The following FRMD4B variants were observed in gnomAD, a reference collection of about 807,000 sequenced individuals.
FRMD4B encodes FERM domain containing 4B.
In FRMD4B, 74 loss-of-function variants were observed where a neutral mutation model predicts 141.5. The observed-to-expected ratio is 0.52, with a 90% CI of 0.43 to 0.63. FRMD4B has a LOEUF of 0.63. Among genes scored for constraint, FRMD4B ranks in the 30% least tolerant of loss-of-function variants. FRMD4B has a pLI of 0.00. For synonymous variants in FRMD4B, 506 were observed against 467.9 expected, an observed-to-expected ratio of 1.08 and a Z score of -1.05; for missense variants, 1,366 against 1,253.4, an observed-to-expected ratio of 1.09 and a Z score of -1.36.
At chr3:69,232,276 T>C (rs987284257) in intron 7 of FRMD4B, among the ~76,000 whole-genome samples, 2 of 152,192 alleles carry the variant, frequency 1.3e-5, no homozygotes, top group Non-Finnish European at 2.9e-5. Context: ...CCCATAAATC[T>C]ACATCACTTG....
At chr3:69,267,628 TATATATATAGAGAGAGAGAG>T (rs1553713431) in intron 5 of FRMD4B, among the ~76,000 whole-genome samples, 10 of 11,924 alleles carry the variant, frequency 8.4e-4, no homozygotes, top group East Asian at 1.7e-3. Context: ...TATATATATA[TATATATATAGAGAGAGAGAG>T]AGAGAGAGAG....
rs371161440 is a variant in FRMD4B, at chr3:69,406,188, T to C, written c.-1+26446A>G. ...TGAGGTGCCAACAGCTAAAACCTTT[T>C]GCCAAGATTGGCTTAATGCTTTTAA... is the stretch of plus-strand genomic sequence containing the variant. On this transcript the variant is annotated intron_variant, in intron 2 of 5. Coordinates refer to the FRMD4B transcript ENST00000459638. 1.2e-4 allele frequency among the ~76,000 whole-genome samples: 18 copies of C among 152,364 alleles called. No homozygotes were observed. In the East Asian group the frequency reaches 1.9e-3, roughly 16 times the overall value.
At chr3:69,349,171 C>A (rs1471819941) in intron 1 of FRMD4B, among the ~76,000 whole-genome samples, 3 of 152,076 alleles carry the variant, frequency 2.0e-5, no homozygotes, top group Non-Finnish European at 4.4e-5. Flanking sequence ...CATTTTTATA[C>A]ACCAATAACA....
At chr3:69,399,991 G>A (rs1704533364) in intron 2 of FRMD4B, among the ~76,000 whole-genome samples, 2 of 152,086 alleles carry the variant, frequency 1.3e-5, no homozygotes, top group Admixed American at 6.5e-5. Context: ...AACCCAATAC[G>A]ATACCTGGCT....
chr3:69,503,477 C>G lies in FRMD4B; in HGVS notation c.-129+38729G>C, dbSNP rs1409092622. 8.1e-5 allele frequency among the ~76,000 whole-genome samples: 11 copies of G among 135,592 alleles called. No homozygotes were observed. In the Admixed American group the frequency reaches 9.6e-4, roughly 12 times the overall value. The allele number at this position is 135,592 out of a possible 152,430, so 89.0% of individuals were successfully genotyped here. ...GCATGTTCTCACTGATAGGAGGGAA[C>G]TGAACAAGGAGAACACTTGGACACA... On this transcript the variant is annotated intron_variant, in intron 1 of 5. Coordinates refer to the FRMD4B transcript ENST00000459638.
chr3:69,518,707 T>C (rs760508782), intron 1 of FRMD4B, among the ~76,000 whole-genome samples: 5 of 152,172 alleles, frequency 3.3e-5, no homozygotes, highest in Non-Finnish European at 7.4e-5. Flanking sequence ...AACAAGGATT[T>C]TGAAGGTGAG....
chr3:69,430,385 G>A (rs955848934), intron 2 of FRMD4B, among the ~76,000 whole-genome samples: 1 of 152,130 alleles, frequency 6.6e-6, no homozygotes. Flanking sequence ...CTGAGAGGCT[G>A]TTAATAGTTT....
At chr3:69,224,742 T>C (rs898647851) in intron 7 of FRMD4B, 52 bp from the exon 8 acceptor site, 28 of 829,414 alleles carry the variant, frequency 3.4e-5, no homozygotes, top group African/African-American at 2.4e-4. Flanking sequence ...CAAAAAATTA[T>C]GCAAGCCGGT....
At chr3:69,438,936 T>C (rs1705301308) in intron 1 of FRMD4B, among the ~76,000 whole-genome samples, 2 of 152,206 alleles carry the variant, frequency 1.3e-5, no homozygotes, top group African/African-American at 4.8e-5. Flanking sequence ...TTTACTCTTT[T>C]AAGTGATAGA....
At position 69,533,590 on chromosome 3, in the gene FRMD4B, T is replaced by C. The variant is rs1370105720; in HGVS notation, c.-129+8616A>G. Among the ~76,000 whole-genome samples the C allele has an allele frequency of 4.6e-5, 7 of 152,220 alleles. 1 individual carries two copies. Among genetic ancestry groups the C allele is most frequent in the Non-Finnish European group, 1.5e-5 (1 of 68,038 alleles). On this transcript the variant is annotated intron_variant, in intron 1 of 5. Transcript: ENST00000459638. ...GCTTGTGCTTTGAAAAGGGAACTTA[T>C]TCTGATCCAACATTCCATGCTGATT...
At chr3:69,314,227 T>TAAA (rs59090061) in intron 1 of FRMD4B, among the ~76,000 whole-genome samples, 19,436 of 108,874 alleles carry the variant, frequency 0.18, 2,200 homozygotes, top group African/African-American at 0.31. Context: ...AATGTTTTAT[T>TAAA]AAAAAAAAAA....
chr3:69,441,004 T>A (rs1182256575), intron 1 of FRMD4B, among the ~76,000 whole-genome samples: 1 of 152,180 alleles, frequency 6.6e-6, no homozygotes, highest in Non-Finnish European at 1.5e-5. Flanking sequence ...CTGAAGCAGA[T>A]GTATATTTTC....
rs1029704940 is a variant in FRMD4B, at chr3:69,176,076, G to A, written c.2984+448C>T. On this transcript the variant is annotated intron_variant, in intron 22 of 22. Coordinates refer to ENST00000398540, the MANE Select transcript of FRMD4B (RefSeq NM_015123.3). ...ATTATAGGCATGAGCCACCGTGCCCGGCAGCAAACTTTTTCTTAAAGGCCA... is the reference window on the plus strand; with the variant it reads ...ATTATAGGCATGAGCCACCGTGCCCAGCAGCAAACTTTTTCTTAAAGGCCA... 4.6e-5 allele frequency among the ~76,000 whole-genome samples: 7 copies of A among 152,178 alleles called. No individual in the cohort carries two copies. In the East Asian group the frequency reaches 1.4e-3, roughly 29 times the overall value.
chr3:69,254,810 G>C (rs1281047397), intron 5 of FRMD4B, among the ~76,000 whole-genome samples: 1 of 152,140 alleles, frequency 6.6e-6, no homozygotes, highest in Non-Finnish European at 1.5e-5. Flanking sequence ...GTGAGAATTA[G>C]CTCTCAAGAG....
chr3:69,268,306 G>A (rs771113615), intron 5 of FRMD4B, among the ~76,000 whole-genome samples: 36 of 152,134 alleles, frequency 2.4e-4, no homozygotes, highest in Middle Eastern at 3.4e-3. Context: ...AAGACAGGCA[G>A]GCAGCCTAAA....
intron 11 of FRMD4B, among the ~76,000 whole-genome samples, chr3:69,216,045 T>G (rs576772985): frequency 6.6e-6 from 1 of 152,240 alleles, no homozygotes; most frequent in Admixed American, 6.5e-5. Context: ...TCCCAGCTAC[T>G]TGGGAGGCTG....
rs149813440 is a variant in FRMD4B, at chr3:69,359,343, T to G, written c.162+26485A>C. Among the ~76,000 whole-genome samples the G allele has an allele frequency of 2.4e-4, 36 of 152,316 alleles. No individual in the cohort carries two copies. The East Asian group carries it at 6.2e-3, about 26-fold the overall frequency. On this transcript the variant is annotated intron_variant, in intron 1 of 22. Transcript: ENST00000398540. ...GGTTTCAGGACCATTTCTGCCTTGT[T>G]CAGGGCTATAACACGTGGAACCTGG...
chr3:69,293,551 A>G (rs1700942935), intron 4 of FRMD4B, among the ~76,000 whole-genome samples: 1 of 152,028 alleles, frequency 6.6e-6, no homozygotes, highest in Non-Finnish European at 1.5e-5. Flanking sequence ...TTAGTTGGGA[A>G]CATCTTTAAA....
chr3:69,351,452 C>G (rs918856995), intron 1 of FRMD4B, among the ~76,000 whole-genome samples: 1 of 152,166 alleles, frequency 6.6e-6, no homozygotes, highest in African/African-American at 2.4e-5. Context: ...TTTTACCTAG[C>G]ACTATAGCTT....
Sources: allele counts gnomAD v4.1 joint callset (sites outside exome capture counted in the v4.1 genomes callset), GRCh38; gene constraint gnomAD v4.1.1; transcripts MANE v1.5; gene names NCBI Gene and HGNC (gene_info 2026-07-23, HGNC 2026-07-21).